Variants in OR1I1 observed in about 807,000 individuals in gnomAD.
OR1I1 encodes olfactory receptor family 1 subfamily I member 1.
For missense variants in OR1I1, 451 were observed against 443.6 expected, an observed-to-expected ratio of 1.02 and a Z score of -0.15; for synonymous variants, 171 against 181.4, an observed-to-expected ratio of 0.94 and a Z score of 0.46.
chr19:15,087,407 C>T lies in OR1I1; in HGVS notation c.342C>T (p.Leu114=). The change falls in exon 2 of 2, where the codon CTC becomes CTT. Residue 114 remains leucine (L), a synonymous_variant. Transcript: ENST00000641398. ...FHLFGTMDSF[L]LAVMAIDRFV... is the part of the protein sequence containing the mutation. ...TGTTCGGGACCATGGACAGCTTTCT[C>T]CTGGCAGTAATGGCCATCGACCGCT... 1.9e-6 allele frequency: 3 copies of T among 1,614,216 alleles called. No individual in the cohort carries two copies. The highest frequency in any genetic ancestry group is 2.5e-6 in the Non-Finnish European group (3 of 1,180,036).
rs543844444 is a variant in OR1I1 at position 15,087,980 on chromosome 19, C to A, written c.915C>A (p.Ile305=). The change falls in exon 2 of 2, where the codon ATC becomes ATA. Residue 305 remains isoleucine (I), a synonymous_variant. Coordinates refer to ENST00000641398, the MANE Select transcript of OR1I1 (RefSeq NM_001004713.2). ...KDMKAALGKL[I]GKVAVPCPRP... ...TGAAGGCAGCCCTGGGGAAGCTCAT[C>A]GGCAAAGTGGCCGTCCCCTGTCCTA... 2 of 1,614,208 alleles carry A rather than the reference C, an allele frequency of 1.2e-6. No individual in the cohort carries two copies. Among genetic ancestry groups the A allele is most frequent in the Non-Finnish European group, 1.7e-6 (2 of 1,180,046 alleles).
At position 15,088,580 on chromosome 19, in the gene OR1I1, C is replaced by T. The variant is rs980601090; in HGVS notation, c.*447C>T. Reference sequence around the variant, plus strand: ...CTGAGGCAGGCAGATCATTTGAGCCCAGGAGTTCAAGGTTGCAGTGAGCTA... The same window carrying T: ...CTGAGGCAGGCAGATCATTTGAGCCTAGGAGTTCAAGGTTGCAGTGAGCTA... On this transcript the variant is annotated 3_prime_UTR_variant, in exon 2 of 2. Coordinates refer to ENST00000641398, the MANE Select transcript of OR1I1 (RefSeq NM_001004713.2). The T allele has an allele frequency of 4.4e-5, 8 of 180,310 alleles. No homozygotes were observed. The highest frequency in any genetic ancestry group is 1.9e-4 in the African/African-American group (8 of 41,872). 11.2% of individuals were successfully genotyped at this position (180,310 alleles called of 1,614,324 possible). A position where few individuals can be genotyped will look rare whatever the true frequency, so the allele number is the denominator to read the frequency against.
intron 1 of OR1I1, among the ~76,000 whole-genome samples, chr19:15,084,503 A>C (rs1057489255): frequency 6.6e-6 from 1 of 152,178 alleles, no homozygotes; most frequent in Admixed American, 6.5e-5. Context: ...GGTTGCAGTG[A>C]GCCAAGATCG....
rs1421640100 is a variant in OR1I1 at position 15,088,330 on chromosome 19, A to C, written c.*197A>C. Reference sequence around the variant, plus strand: ...TGCTATGTGAATAAGAGTAGTTGAAAACAAGAGACGTAGCTACACTCATTT... The same window carrying C: ...TGCTATGTGAATAAGAGTAGTTGAACACAAGAGACGTAGCTACACTCATTT... On this transcript the variant is annotated 3_prime_UTR_variant, in exon 2 of 2. Coordinates refer to ENST00000641398, the MANE Select transcript of OR1I1 (RefSeq NM_001004713.2). 1.7e-6 allele frequency: 1 copy of C among 600,410 alleles called. No individual in the cohort carries two copies. Among genetic ancestry groups the C allele is most frequent in the Non-Finnish European group, 2.8e-6 (1 of 354,644 alleles). 37.2% of individuals were successfully genotyped at this position (600,410 alleles called of 1,614,324 possible).
chr19:15,087,835 C>T lies in OR1I1; in HGVS notation c.770C>T (p.Ala257Val), dbSNP rs2046237671. 1 of 1,614,202 alleles carries T rather than the reference C, an allele frequency of 6.2e-7. No homozygotes were observed. Residue 257 changes from alanine to valine, a missense_variant, in exon 2 of 2, where the codon GCT becomes GTT. Coordinates refer to ENST00000641398, the MANE Select transcript of OR1I1 (RefSeq NM_001004713.2). ...TCACTGTCCTATGGGACCATCTTTG[C>T]TGTGTACTTACAGCCCACATCCCCC... Reference protein sequence around the residue: ...VVSLSYGTIFAVYLQPTSPSS... With the variant: ...VVSLSYGTIFVVYLQPTSPSS...
Position 15,088,309 on chromosome 19 carries a change from A to G in OR1I1, c.*176A>G, listed in dbSNP as rs2046240340. On this transcript the variant is annotated 3_prime_UTR_variant, in exon 2 of 2. Transcript: ENST00000641398. ...GGAGGATCAGCCTTTTAGGATTGCT[A>G]TGTGAATAAGAGTAGTTGAAAACAA... 4.3e-6 allele frequency: 3 copies of G among 695,538 alleles called. No homozygotes were observed. Among genetic ancestry groups the G allele is most frequent in the Admixed American group, 6.1e-5 (2 of 32,722 alleles). The allele number at this position is 695,538 out of a possible 1,614,324, so 43.1% of individuals were successfully genotyped here.
Position 15,088,463 on chromosome 19 carries a change from C to A in OR1I1, c.*330C>A. 3.5e-6 allele frequency: 1 copy of A among 282,330 alleles called. No homozygotes were observed. The highest frequency in any genetic ancestry group is 6.8e-6 in the Non-Finnish European group (1 of 147,806). The allele number at this position is 282,330 out of a possible 1,614,324, so 17.5% of individuals were successfully genotyped here. A position where few individuals can be genotyped will look rare whatever the true frequency, so the allele number is the denominator to read the frequency against. On this transcript the variant is annotated 3_prime_UTR_variant, in exon 2 of 2. Transcript: ENST00000641398. The stretch of plus-strand genomic sequence containing the variant: ...GCCAGGAGTTTGAGACCAGCCTGGG[C>A]AACATACAGAGACCCTATCTCCACA...
Position 15,089,993 on chromosome 19 carries a change from T to C in OR1I1, c.*1860T>C, listed in dbSNP as rs1408817286. On this transcript the variant is annotated 3_prime_UTR_variant, in exon 2 of 2. Coordinates refer to ENST00000641398, the MANE Select transcript of OR1I1 (RefSeq NM_001004713.2). ...TAATCTGATACGACTGGCGTCCTTA[T>C]GAAAAGGGGAGATTTGGACACAGGC... 6.6e-6 allele frequency: 1 copy of C among 151,916 alleles called. No homozygotes were observed. The highest frequency in any genetic ancestry group is 2.4e-5 in the African/African-American group (1 of 41,352). The allele number at this position is 151,916 out of a possible 1,614,324, so 9.4% of individuals were successfully genotyped here. A position where few individuals can be genotyped will look rare whatever the true frequency, so the allele number is the denominator to read the frequency against.
Position 15,087,376 on chromosome 19 carries a change from T to A in OR1I1, c.311T>A (p.Phe104Tyr), listed in dbSNP as rs1043265827. Reference protein sequence around the residue: ...FVGCLTQMYAFHLFGTMDSFL... With the variant: ...FVGCLTQMYAYHLFGTMDSFL... ...GGCTGCCTCACCCAGATGTATGCCT[T>A]CCACCTGTTCGGGACCATGGACAGC... is the stretch of plus-strand genomic sequence containing the variant. The change falls in exon 2 of 2, where the codon TTC becomes TAC. Residue 104 changes from phenylalanine to tyrosine, a missense_variant. Physicochemically the swap from Phe to Tyr is conservative, Grantham distance 22. Coordinates refer to ENST00000641398, the MANE Select transcript of OR1I1 (RefSeq NM_001004713.2). The A allele has an allele frequency of 1.5e-5, 24 of 1,614,182 alleles. No individual in the cohort carries two copies. The highest frequency in any genetic ancestry group is 2.0e-5 in the Non-Finnish European group (24 of 1,180,028).
At chr19:15,082,460 C>T (rs4808195) in intron 1 of OR1I1, among the ~76,000 whole-genome samples, 184 bp downstream of exon 1, 1 of 151,618 alleles carries the variant, frequency 6.6e-6, no homozygotes, top group African/African-American at 2.4e-5. Flanking sequence ...GAATCTGTCT[C>T]CTTCCTAGAG....
intron 1 of OR1I1, among the ~76,000 whole-genome samples, chr19:15,085,177 T>TATATATATATA (rs1491455089): frequency 2.2e-5 from 1 of 45,852 alleles, no homozygotes. Context: ...TATATATATA[T>TATATATATATA]TTTTTTTTTT....
At chr19:15,085,527 C>T (rs1033575993) in intron 1 of OR1I1, among the ~76,000 whole-genome samples, 1 of 151,852 alleles carries the variant, frequency 6.6e-6, no homozygotes, top group Non-Finnish European at 1.5e-5. Context: ...ACATCTGTAC[C>T]TATCATTTCT....
In OR1I1 at chr19:15,088,038, C is replaced by T. The variant is rs546073845; in HGVS notation, c.973C>T (p.Pro325Ser). ...ACAGTTATTGGATGTTTATCATGTT[C>T]CAGGATCACTGTTGGCTGCTAGGGA... is the stretch of plus-strand genomic sequence containing the variant. ...PEQLLDVYHV[P>S]GSLLAARDTE... Residue 325 changes from proline to serine, a missense_variant, in exon 2 of 2, where the codon CCA (proline) becomes TCA (serine). Transcript: ENST00000641398. 4 of 1,611,260 alleles carry T rather than the reference C, an allele frequency of 2.5e-6. No individual in the cohort carries two copies. The highest frequency in any genetic ancestry group is 3.4e-6 in the Non-Finnish European group (4 of 1,178,088).
chr19:15,085,129 C>CTTTT lies in OR1I1; in HGVS notation c.-13-1922_-13-1921insTTTT, dbSNP rs796178489. Among the ~76,000 whole-genome samples the CTTTT allele has an allele frequency of 7.4e-4, 48 of 64,868 alleles. 3 individuals are homozygous for CTTTT. The South Asian group carries it at 0.036, about 49-fold the overall frequency. The allele number at this position is 64,868 out of a possible 152,430, so 42.6% of individuals were successfully genotyped here. A position where few individuals can be genotyped will look rare whatever the true frequency, so the allele number is the denominator to read the frequency against. On this transcript the variant is annotated intron_variant, in intron 1 of 1. Transcript: ENST00000641398. Reference sequence around the variant, plus strand: ...TTAGGTATGTTCAATGCATTTTTGACTTATATATATATATATATATATATA... The same window carrying CTTTT: ...TTAGGTATGTTCAATGCATTTTTGACTTTTTTATATATATATATATATATATATA...
chr19:15,091,318 G>A lies in OR1I1; in HGVS notation c.*3185G>A, dbSNP rs1428638669. Reference sequence around the variant, plus strand: ...AGGCGGGCAGATCACAAGGTCAGTAGATCGAGACCATCCTGACCAACATGG... The same window carrying A: ...AGGCGGGCAGATCACAAGGTCAGTAAATCGAGACCATCCTGACCAACATGG... On this transcript the variant is annotated 3_prime_UTR_variant, in exon 2 of 2. Transcript: ENST00000641398. The A allele has an allele frequency of 6.6e-6, 1 of 152,190 alleles. No individual in the cohort carries two copies. The highest frequency in any genetic ancestry group is 2.1e-4 in the South Asian group (1 of 4,826). The allele number at this position is 152,190 out of a possible 1,614,324, so 9.4% of individuals were successfully genotyped here.
In OR1I1 at chr19:15,087,791, C is replaced by G; in HGVS notation, c.726C>G (p.Gly242=). 1.2e-6 allele frequency: 2 copies of G among 1,614,072 alleles called. No individual in the cohort carries two copies. The highest frequency in any genetic ancestry group is 1.7e-6 in the Non-Finnish European group (2 of 1,179,884). Residue 242 remains glycine (G), a synonymous_variant, in exon 2 of 2, where the codon GGC becomes GGG. Coordinates refer to ENST00000641398, the MANE Select transcript of OR1I1 (RefSeq NM_001004713.2). The part of the protein sequence containing the change: ...RGKWKAFSTC[G]LHLTVVSLSY... ...AGTGGAAAGCCTTCTCCACCTGTGGCTTACACCTCACTGTGGTGTCACTGT... is the reference window on the plus strand; with the variant it reads ...AGTGGAAAGCCTTCTCCACCTGTGGGTTACACCTCACTGTGGTGTCACTGT...
chr19:15,088,754 G>A lies in OR1I1; in HGVS notation c.*621G>A, dbSNP rs995525408. Reference sequence around the variant, plus strand: ...GAGGATAAGATAAGATAGGTAGATAGGGTGGATAGATAAGATATGTAGATA... The same window carrying A: ...GAGGATAAGATAAGATAGGTAGATAAGGTGGATAGATAAGATATGTAGATA... On this transcript the variant is annotated 3_prime_UTR_variant, in exon 2 of 2. Coordinates refer to ENST00000641398, the MANE Select transcript of OR1I1 (RefSeq NM_001004713.2). The A allele has an allele frequency of 4.7e-5, 5 of 105,384 alleles. No individual in the cohort carries two copies. Among genetic ancestry groups the A allele is most frequent in the East Asian group, 2.3e-4 (1 of 4,302 alleles). 6.5% of individuals were successfully genotyped at this position (105,384 alleles called of 1,614,324 possible).
At chr19:15,086,540 GC>G (rs887786523) in intron 1 of OR1I1, among the ~76,000 whole-genome samples, 24 of 150,508 alleles carry the variant, frequency 1.6e-4, no homozygotes, top group African/African-American at 5.6e-4. Flanking sequence ...TGCAAACTTT[GC>G]CTCCCGGGTT....
At chr19:15,085,152 A>AT (rs2046224021) in intron 1 of OR1I1, among the ~76,000 whole-genome samples, 1 of 38,180 alleles carries the variant, frequency 2.6e-5, no homozygotes, top group African/African-American at 1.7e-4. Context: ...ATATATATAT[A>AT]TATATATATA....
Sources: allele counts gnomAD v4.1 joint callset (sites outside exome capture counted in the v4.1 genomes callset), GRCh38; gene constraint gnomAD v4.1.1; transcripts MANE v1.5; gene names NCBI Gene and HGNC (gene_info 2026-07-23, HGNC 2026-07-21).